SCLT1: variants seen among roughly 807,000 people sequenced by gnomAD.
The protein encoded by SCLT1 is sodium channel and clathrin linker 1, also known as sodium channel-associated protein 1.
SCLT1 carries 78 observed loss-of-function variants against 112.8 expected under a neutral mutation model. That is an observed-to-expected ratio of 0.69 (90% CI 0.58 to 0.83). The LOEUF is 0.83. Ranked by LOEUF, SCLT1 falls within the 40% of genes least tolerant of loss-of-function variation. SCLT1 has a pLI of 0.00. For synonymous variants in SCLT1, 257 were observed against 254.7 expected, an observed-to-expected ratio of 1.01 and a Z score of -0.09; for missense variants, 747 against 770.4, an observed-to-expected ratio of 0.97 and a Z score of 0.36.
At chr4:129,060,181 T>C (rs1404779854) in intron 2 of SCLT1, among the ~76,000 whole-genome samples, 12 of 152,178 alleles carry the variant, frequency 7.9e-5, no homozygotes, top group African/African-American at 2.4e-4. Flanking sequence ...ACTGTTTGAT[T>C]CATTTTAGTG....
chr4:128,934,323 T>C (rs1737011039), intron 18 of SCLT1, among the ~76,000 whole-genome samples: 1 of 151,850 alleles, frequency 6.6e-6, no homozygotes, highest in Non-Finnish European at 1.5e-5. Context: ...TCCTCACTCT[T>C]AGATAATAAG....
At chr4:129,085,355 CA>C (rs986419583) in intron 1 of SCLT1, among the ~76,000 whole-genome samples, 1 of 151,968 alleles carries the variant, frequency 6.6e-6, no homozygotes, top group African/African-American at 2.4e-5. Flanking sequence ...ATTAAAAAGT[CA>C]AAAAATAACA....
At chr4:128,946,797 C>T (rs2125994407) in intron 15 of SCLT1, among the ~76,000 whole-genome samples, 1 of 152,294 alleles carries the variant, frequency 6.6e-6, no homozygotes, top group African/African-American at 2.4e-5. Context: ...ACTCCAGAAT[C>T]TCACTCTGGG....
chr4:128,906,250 T>C (rs553109379), intron 18 of SCLT1, among the ~76,000 whole-genome samples: 1 of 152,252 alleles, frequency 6.6e-6, no homozygotes, highest in Non-Finnish European at 1.5e-5. Context: ...CAGGCTGGAG[T>C]GCAGTGGCGC....
chr4:129,087,317 C>T (rs987836400), intron 1 of SCLT1, among the ~76,000 whole-genome samples: 20 of 152,088 alleles, frequency 1.3e-4, no homozygotes, highest in Non-Finnish European at 2.8e-4. Context: ...ACAAAGAAAA[C>T]TTCAGGTCCA....
chr4:128,893,808 T>G (rs1272193609), intron 18 of SCLT1, among the ~76,000 whole-genome samples: 1 of 152,232 alleles, frequency 6.6e-6, no homozygotes, highest in African/African-American at 2.4e-5. Context: ...CCCAAAGTGT[T>G]GGGATTACAG....
At chr4:129,060,543 T>C (rs1749869448) in intron 2 of SCLT1, among the ~76,000 whole-genome samples, 1 of 152,186 alleles carries the variant, frequency 6.6e-6, no homozygotes. Context: ...GGTAATTTTG[T>C]TTACAGATAA....
At chr4:128,992,484 C>T (rs558382653) in intron 8 of SCLT1, among the ~76,000 whole-genome samples, 1 of 152,016 alleles carries the variant, frequency 6.6e-6, no homozygotes, top group Admixed American at 6.6e-5. Flanking sequence ...ATCTGAATCT[C>T]TTTTGCTCAT....
intron 18 of SCLT1, among the ~76,000 whole-genome samples, chr4:128,925,278 T>C (rs1736205032): frequency 1.3e-5 from 2 of 152,158 alleles, no homozygotes; most frequent in South Asian, 2.1e-4. Context: ...TTTGGAGCAA[T>C]TTGTTATGCA....
intron 3 of SCLT1, among the ~76,000 whole-genome samples, chr4:128,876,940 A>T (rs1732535635): frequency 6.6e-6 from 1 of 152,244 alleles, no homozygotes; most frequent in Non-Finnish European, 1.5e-5. Context: ...TATTGCCTTA[A>T]TATTTTTTGC....
chr4:129,071,221 C>G (rs901497121), intron 2 of SCLT1, among the ~76,000 whole-genome samples: 6 of 152,092 alleles, frequency 3.9e-5, no homozygotes, highest in African/African-American at 1.4e-4. Context: ...GGAGAAAGTT[C>G]TATTCACTGT....
chr4:128,948,670 T>C (rs1206132909), intron 14 of SCLT1, 100 bp from the exon 15 acceptor site: 3 of 845,458 alleles, frequency 3.5e-6, no homozygotes, highest in Non-Finnish European at 5.6e-6. Context: ...ATCATAGTTA[T>C]CAACACAAGT....
At chr4:129,022,204 G>A (rs568224323) in intron 5 of SCLT1, among the ~76,000 whole-genome samples, 4 of 152,232 alleles carry the variant, frequency 2.6e-5, no homozygotes, top group South Asian at 2.1e-4. Context: ...GTGCAAAAAC[G>A]CAGAAAATTC....
chr4:128,962,458 T>G (rs894115399), intron 11 of SCLT1, among the ~76,000 whole-genome samples: 1 of 152,214 alleles, frequency 6.6e-6, no homozygotes, highest in Non-Finnish European at 1.5e-5. Context: ...TTGTATATTA[T>G]GTCTACTGTA....
At chr4:128,953,812 AAAAAAAC>A (rs2126005496) in intron 13 of SCLT1, among the ~76,000 whole-genome samples, 1 of 135,284 alleles carries the variant, frequency 7.4e-6, no homozygotes, top group East Asian at 2.2e-4. Flanking sequence ...AAAAAAAAAC[AAAAAAAC>A]AAAAAAAAAA....
intron 14 of SCLT1, among the ~76,000 whole-genome samples, chr4:128,949,295 T>C (rs1250581083): frequency 2.7e-5 from 4 of 149,184 alleles, no homozygotes; most frequent in Non-Finnish European, 5.9e-5. Flanking sequence ...GGGGAGGTCA[T>C]CTCTGCCCCA....
chr4:128,946,116 T>C lies in SCLT1; in HGVS notation c.1330A>G (p.Arg444Gly). 2.5e-6 allele frequency: 4 copies of C among 1,609,292 alleles called. No homozygotes were observed. Among genetic ancestry groups the C allele is most frequent in the Non-Finnish European group, 3.4e-6 (4 of 1,175,950 alleles). The change falls in exon 16 of 21, where the codon AGA (arginine) becomes GGA (glycine). Residue 444 changes from arginine (R) to glycine (G), a missense_variant. By Grantham distance (125) the Arg-to-Gly change is moderately radical. This residue lies in a region of SCLT1 where 723 missense variants were observed against 721.3 expected (regional missense o/e 1.00). Transcript: ENST00000281142. ...CTTTGGTGCATTTCTTCCAGTTTTC[T>C]GTAATCACTCTCATTTCCTCTGCCT... The part of the protein sequence containing the change: ...REGRGNESDY[R>G]KLEEMHQRFL...
chr4:128,963,428 C>G (rs1445026185), intron 11 of SCLT1, among the ~76,000 whole-genome samples: 1 of 152,138 alleles, frequency 6.6e-6, no homozygotes, highest in Non-Finnish European at 1.5e-5. Context: ...ACCTAAAACA[C>G]TGGCTGGTAC....
At chr4:128,887,915 AC>A (rs1320731249) in intron 20 of SCLT1, among the ~76,000 whole-genome samples, 4 of 152,232 alleles carry the variant, frequency 2.6e-5, no homozygotes, top group Admixed American at 2.6e-4. Flanking sequence ...TTGAAATATT[AC>A]ATTCAAAGCA....
Sources: gnomAD v4.1 joint callset for allele counts (sites outside exome capture counted in the v4.1 genomes callset) on GRCh38, gnomAD v4.1.1 for gene constraint, gnomAD v4.1.1 regional missense constraint, MANE v1.5 for transcripts, NCBI Gene and HGNC (gene_info 2026-07-23, HGNC 2026-07-21) for gene names.